The following MAGI1 variants were observed in gnomAD, a reference collection of about 807,000 sequenced individuals.
MAGI1 encodes membrane associated guanylate kinase, WW and PDZ domain containing 1, also known as membrane-associated guanylate kinase, WW and PDZ domain-containing protein 1.
MAGI1 carries 58 observed loss-of-function variants against 139.9 expected under a neutral mutation model. That is an observed-to-expected ratio of 0.41 (90% CI 0.34 to 0.52). The LOEUF is 0.52. Among genes scored for constraint, MAGI1 ranks in the 20% least tolerant of loss-of-function variants. The pLI is 0.12. For synonymous variants in MAGI1, 812 were observed against 737.9 expected (o/e 1.10, Z -1.63); for missense variants, 1,874 against 1,901.6 (o/e 0.99, Z 0.27).
intron 1 of MAGI1, among the ~76,000 whole-genome samples, chr3:65,820,212 A>G (rs2041868949): frequency 6.6e-6 from 1 of 152,176 alleles, no homozygotes; most frequent in Non-Finnish European, 1.5e-5. Flanking sequence ...TTACTGTGGC[A>G]ATTTTTTTCA....
intron 1 of MAGI1, among the ~76,000 whole-genome samples, chr3:65,866,195 G>C (rs2059718343): frequency 6.7e-6 from 1 of 149,326 alleles, no homozygotes; most frequent in South Asian, 2.1e-4. Flanking sequence ...GGAATTGTTG[G>C]TATTTGCTGT....
rs940090703 is a variant in MAGI1 at position 65,615,343 on chromosome 3, G to C, written c.430+6629C>G. On this transcript the variant is annotated intron_variant, in intron 2 of 22. Transcript: ENST00000402939. The stretch of plus-strand genomic sequence containing the variant: ...CACCCAAAGATTTCCAGCAGGGATG[G>C]ACAGTGAATGCACGCTTCCCTGGGA... 2.6e-5 allele frequency among the ~76,000 whole-genome samples: 4 copies of C among 152,164 alleles called. No individual in the cohort carries two copies. In the South Asian group the frequency reaches 8.3e-4, roughly 32 times the overall value.
At chr3:65,535,212 G>T (rs753030038) in intron 2 of MAGI1, among the ~76,000 whole-genome samples, 1 of 152,136 alleles carries the variant, frequency 6.6e-6, no homozygotes, top group Non-Finnish European at 1.5e-5. Flanking sequence ...TCTAATACCA[G>T]CTCATTAAAA....
At chr3:65,390,194 T>C (rs1943799551) in intron 14 of MAGI1, among the ~76,000 whole-genome samples, 1 of 152,166 alleles carries the variant, frequency 6.6e-6, no homozygotes. Flanking sequence ...CATTTGCAGC[T>C]AGGAATGAAA....
At chr3:65,706,155 T>C (rs1410480700) in intron 1 of MAGI1, among the ~76,000 whole-genome samples, 2 of 152,232 alleles carry the variant, frequency 1.3e-5, no homozygotes, top group Non-Finnish European at 2.9e-5. Flanking sequence ...GGAAAACCAC[T>C]AGTAGATGGT....
chr3:65,559,316 A>G (rs2080229411), intron 2 of MAGI1, among the ~76,000 whole-genome samples: 4 of 152,312 alleles, frequency 2.6e-5, no homozygotes, highest in South Asian at 4.1e-4. Flanking sequence ...CTCATCCTTC[A>G]TGGGTCATGA....
chr3:65,888,041 T>A (rs1172015543), intron 1 of MAGI1, among the ~76,000 whole-genome samples: 5 of 152,182 alleles, frequency 3.3e-5, no homozygotes, highest in Admixed American at 3.3e-4. Context: ...ATCACCAAAC[T>A]AAGATTTTTT....
intron 2 of MAGI1, among the ~76,000 whole-genome samples, chr3:65,575,325 G>C (rs2081134369): frequency 2.0e-5 from 3 of 152,056 alleles, no homozygotes; most frequent in Admixed American, 2.0e-4. Flanking sequence ...AAACCATAAT[G>C]AGGTACCAAG....
At chr3:65,456,608 A>T (rs989408799) in intron 5 of MAGI1, among the ~76,000 whole-genome samples, 3 of 151,684 alleles carry the variant, frequency 2.0e-5, no homozygotes, top group African/African-American at 7.3e-5. Context: ...GTATTTCAAA[A>T]ATTTTCTGGT....
intron 2 of MAGI1, among the ~76,000 whole-genome samples, chr3:65,535,750 A>T (rs2078931355): frequency 1.3e-5 from 2 of 152,196 alleles, no homozygotes; most frequent in African/African-American, 4.8e-5. Context: ...TATTTGGCAA[A>T]ATGAAAATTA....
At chr3:66,015,362 C>G in intron 1 of MAGI1, among the ~76,000 whole-genome samples, 1 of 152,018 alleles carries the variant, frequency 6.6e-6, no homozygotes, top group Non-Finnish European at 1.5e-5. Flanking sequence ...TGCAGGCATC[C>G]ATTTCCTCAT....
chr3:65,862,038 T>C (rs2059573383), intron 1 of MAGI1, among the ~76,000 whole-genome samples: 1 of 151,954 alleles, frequency 6.6e-6, no homozygotes, highest in Non-Finnish European at 1.5e-5. Context: ...ATCTTATTTA[T>C]CTTCAATTCT....
intron 3 of MAGI1, among the ~76,000 whole-genome samples, chr3:65,483,341 T>G (rs775090190): frequency 5.9e-5 from 9 of 152,218 alleles, no homozygotes; most frequent in Non-Finnish European, 1.2e-4. Context: ...TTACCTGACC[T>G]GTCTGGCCCC....
chr3:65,362,262 A>G, intron 21 of MAGI1, among the ~76,000 whole-genome samples: 2 of 152,322 alleles, frequency 1.3e-5, no homozygotes, highest in Middle Eastern at 3.4e-3. Context: ...TGTAAACTAT[A>G]CACCATTATA....
intron 18 of MAGI1, among the ~76,000 whole-genome samples, chr3:65,374,313 C>CTTTTTTT (rs3072933): frequency 2.7e-4 from 26 of 95,088 alleles, no homozygotes; most frequent in Admixed American, 4.4e-4. Context: ...ATCAACTTAA[C>CTTTTTTT]TTTTTTTTTT....
chr3:65,459,020 G>T lies in MAGI1; in HGVS notation c.960-5680C>A, dbSNP rs114665437. On this transcript the variant is annotated intron_variant, in intron 5 of 22. Coordinates refer to ENST00000402939, the MANE Select transcript of MAGI1 (RefSeq NM_001033057.2). ...GGGATAGTTTCATTCATCTGTATATGGATATCCAGTTTTCCCAACACCATT... is the reference window on the plus strand; with the variant it reads ...GGGATAGTTTCATTCATCTGTATATTGATATCCAGTTTTCCCAACACCATT... Among the ~76,000 whole-genome samples, 1,124 of 152,228 alleles carry T rather than the reference G, an allele frequency of 7.4e-3. 15 individuals are homozygous for T. Among genetic ancestry groups the T allele is most frequent in the African/African-American group, 0.026 (1,066 of 41,530 alleles).
intron 3 of MAGI1, among the ~76,000 whole-genome samples, chr3:65,490,462 G>A (rs1359444020): frequency 2.0e-5 from 3 of 152,156 alleles, no homozygotes; most frequent in African/African-American, 4.8e-5. Context: ...GCCCTACTCC[G>A]ATGAGGGTAT....
intron 1 of MAGI1, among the ~76,000 whole-genome samples, chr3:65,864,435 C>G (rs2108456042): frequency 6.6e-6 from 1 of 152,316 alleles, no homozygotes; most frequent in East Asian, 1.9e-4. Context: ...AAGTGGCCTG[C>G]TTTCTTGCTT....
chr3:65,360,507 T>C, intron 22 of MAGI1: 1 of 985,206 alleles, frequency 1.0e-6, no homozygotes, highest in Non-Finnish European at 1.2e-6. Flanking sequence ...GAACTCTATG[T>C]ATAACCTGGC....
Sources: gnomAD v4.1 joint callset for allele counts (sites outside exome capture counted in the v4.1 genomes callset) on GRCh38, gnomAD v4.1.1 for gene constraint, MANE v1.5 for transcripts, NCBI Gene and HGNC (gene_info 2026-07-23, HGNC 2026-07-21) for gene names.